TBC1D5: variants seen among roughly 807,000 people sequenced by gnomAD.
TBC1D5 encodes the protein TBC1 domain family, member 5.
Under a neutral mutation model 100.3 loss-of-function variants are expected in TBC1D5, and 75 were observed. The ratio of observed to expected loss-of-function variants is 0.75; its 90% CI spans 0.62 to 0.91. TBC1D5 has a LOEUF of 0.91. TBC1D5 is among the 40% of genes least tolerant of loss of function. The probability of loss-of-function intolerance (pLI) is 0.00; values close to 1 mark genes in which losing one functional copy is unlikely to be tolerated. For synonymous variants in TBC1D5, 323 were observed against 325.6 expected, an observed-to-expected ratio of 0.99 and a Z score of 0.09; for missense variants, 910 against 942.4, an observed-to-expected ratio of 0.97 and a Z score of 0.45.
chr3:17,235,299 A>T (rs987118529), intron 17 of TBC1D5, among the ~76,000 whole-genome samples: 3 of 152,248 alleles, frequency 2.0e-5, no homozygotes, highest in African/African-American at 7.2e-5. Context: ...CAAGTAATTG[A>T]AAGTTAACTG....
At chr3:17,636,375 C>T (rs549319815) in intron 1 of TBC1D5, among the ~76,000 whole-genome samples, 1 of 152,148 alleles carries the variant, frequency 6.6e-6, no homozygotes, top group Non-Finnish European at 1.5e-5. Context: ...GGTTAAATAA[C>T]TTGCCCATGG....
At chr3:17,616,964 A>G (rs2062219772) in intron 2 of TBC1D5, among the ~76,000 whole-genome samples, 1 of 152,172 alleles carries the variant, frequency 6.6e-6, no homozygotes, top group African/African-American at 2.4e-5. Context: ...CCGTTAATTG[A>G]TGCAGTTTCT....
At position 17,526,206 on chromosome 3, in the gene TBC1D5, AATTTATTC is replaced by A. The variant is rs1388269642; in HGVS notation, c.-35-17609_-35-17602del. On this transcript the variant is annotated intron_variant, in intron 2 of 21. Transcript: ENST00000253692. ...TCTATAAAAGAAAACTTCCAGAATC[AATTTATTC>A]ATTTATTTATTTATTTTTTAAGAGA... Among the ~76,000 whole-genome samples the A allele has an allele frequency of 1.1e-3, 162 of 152,172 alleles. 1 individual carries two copies. The highest frequency in any genetic ancestry group is 3.8e-3 in the African/African-American group (157 of 41,520).
intron 2 of TBC1D5, among the ~76,000 whole-genome samples, chr3:17,565,534 T>A (rs2153487502): frequency 6.6e-6 from 1 of 152,192 alleles, no homozygotes; most frequent in South Asian, 2.1e-4. Context: ...CTGAAAAGAA[T>A]CAACTGCAAA....
chr3:17,597,794 T>C (rs750288374), intron 2 of TBC1D5, among the ~76,000 whole-genome samples: 4 of 152,184 alleles, frequency 2.6e-5, no homozygotes, highest in East Asian at 3.8e-4. Flanking sequence ...GATCCCACAC[T>C]ACCCTAAGCT....
chr3:17,477,213 C>T (rs1238184628), intron 3 of TBC1D5, among the ~76,000 whole-genome samples: 2 of 151,938 alleles, frequency 1.3e-5, no homozygotes, highest in Admixed American at 1.3e-4. Context: ...TCCCTAAGTA[C>T]TAACCTTGCA....
chr3:17,202,608 GT>G, intron 18 of TBC1D5, among the ~76,000 whole-genome samples: 1 of 152,352 alleles, frequency 6.6e-6, no homozygotes, highest in East Asian at 1.9e-4. Flanking sequence ...GGGAAGAATG[GT>G]TTTGTGGGCT....
At chr3:17,319,304 G>A (rs978771608) in intron 13 of TBC1D5, among the ~76,000 whole-genome samples, 1 of 152,044 alleles carries the variant, frequency 6.6e-6, no homozygotes, top group Non-Finnish European at 1.5e-5. Flanking sequence ...CTCCAAATCC[G>A]TGATCTCTTC....
intron 2 of TBC1D5, 98 bp from the exon 3 acceptor site, chr3:17,508,703 C>T (rs2095869885): frequency 1.8e-6 from 1 of 545,896 alleles, no homozygotes; most frequent in Non-Finnish European, 3.2e-6. Context: ...GCATTACAGA[C>T]ATTAACAAGT....
intron 13 of TBC1D5, among the ~76,000 whole-genome samples, chr3:17,366,147 T>C (rs1207268729): frequency 2.0e-5 from 3 of 151,796 alleles, no homozygotes; most frequent in East Asian, 1.9e-4. Context: ...AAAAATTAGC[T>C]GGGCATGGTG....
intron 3 of TBC1D5, among the ~76,000 whole-genome samples, chr3:17,455,183 CGTGT>C (rs201589943): frequency 3.2e-5 from 4 of 126,806 alleles, no homozygotes; most frequent in African/African-American, 7.3e-5. Context: ...CACACACACA[CGTGT>C]GTGTGTATAT....
intron 4 of TBC1D5, among the ~76,000 whole-genome samples, chr3:17,407,921 T>G (rs1012403555): frequency 6.6e-6 from 1 of 152,182 alleles, no homozygotes; most frequent in African/African-American, 2.4e-5. Flanking sequence ...AATCTGGCTT[T>G]ACTTTAATTT....
chr3:17,342,314 T>C (rs536556523), intron 13 of TBC1D5, among the ~76,000 whole-genome samples: 1 of 152,340 alleles, frequency 6.6e-6, no homozygotes, highest in East Asian at 1.9e-4. Context: ...AATAATCTCT[T>C]CTTGCTTGAA....
At chr3:17,387,764 A>G (rs1454861269) in intron 8 of TBC1D5, among the ~76,000 whole-genome samples, 1 of 151,110 alleles carries the variant, frequency 6.6e-6, no homozygotes, top group African/African-American at 2.4e-5. Context: ...AAACATAATT[A>G]AAAGCACAGA....
intron 2 of TBC1D5, among the ~76,000 whole-genome samples, chr3:17,532,589 A>G (rs1431713207): frequency 2.2e-4 from 33 of 152,288 alleles, no homozygotes; most frequent in African/African-American, 7.7e-4. Context: ...ACCAACCCAA[A>G]TGTCCAACAA....
At chr3:17,661,962 C>T (rs1268529159) in intron 1 of TBC1D5, among the ~76,000 whole-genome samples, 1 of 152,116 alleles carries the variant, frequency 6.6e-6, no homozygotes, top group Non-Finnish European at 1.5e-5. Flanking sequence ...ACAATCATAG[C>T]TCACTGCATC....
rs1411439772 is a variant in TBC1D5, at chr3:17,676,368, G to T, written c.-100-52455C>A. On this transcript the variant is annotated intron_variant, in intron 1 of 21. Transcript: ENST00000253692. ...CCTATACACCAATAACAGACAAACA[G>T]AGGGCCAAATCACGAGTGAACTCCC... Among the ~76,000 whole-genome samples, 3 of 152,056 alleles carry T rather than the reference G, an allele frequency of 2.0e-5. No homozygotes were observed. The South Asian group carries it at 6.2e-4, about 31-fold the overall frequency.
chr3:17,245,387 G>C (rs2076653456), intron 16 of TBC1D5, among the ~76,000 whole-genome samples: 1 of 152,154 alleles, frequency 6.6e-6, no homozygotes, highest in African/African-American at 2.4e-5. Context: ...AGGAACTCTA[G>C]ATTCTTAAAG....
intron 21 of TBC1D5, among the ~76,000 whole-genome samples, chr3:17,162,627 A>G (rs4684310): frequency 0.77 from 116,461 of 152,186 alleles, 45,282 homozygotes; most frequent in East Asian, 0.92. Context: ...CTACACAAGC[A>G]AAGAAAAACA....
Sources: gnomAD v4.1 joint callset for allele counts (sites outside exome capture counted in the v4.1 genomes callset) on GRCh38, gnomAD v4.1.1 for gene constraint, MANE v1.5 for transcripts, NCBI Gene and HGNC (gene_info 2026-07-23, HGNC 2026-07-21) for gene names.